GAD2: variants seen among roughly 807,000 people sequenced by gnomAD.
GAD2 encodes the protein 65 kDa glutamic acid decarboxylase.
Under a neutral mutation model 80.1 loss-of-function variants are expected in GAD2, and 22 were observed. That is an observed-to-expected ratio of 0.27 (90% CI 0.20 to 0.39). The LOEUF (loss-of-function observed/expected upper bound fraction) is 0.39. GAD2 is among the 10% of genes least tolerant of loss of function. The pLI is 1.00. For missense variants in GAD2, 624 were observed against 738.4 expected, an observed-to-expected ratio of 0.85 and a Z score of 1.80; for synonymous variants, 274 against 256.9, an observed-to-expected ratio of 1.07 and a Z score of -0.64.
At chr10:26,270,846 A>T (rs887362538) in intron 10 of GAD2, 90 bp downstream of exon 10, 1 of 889,330 alleles carries the variant, frequency 1.1e-6, no homozygotes, top group Non-Finnish European at 1.9e-6. Flanking sequence ...TCTTTTTTTA[A>T]CTTGGTCAGC....
At chr10:26,238,789 G>C (rs1844706342) in intron 7 of GAD2, among the ~76,000 whole-genome samples, 2 of 151,986 alleles carry the variant, frequency 1.3e-5, no homozygotes, top group Admixed American at 1.3e-4. Flanking sequence ...GCAAGAGAAT[G>C]TTCTTTCGGG....
At chr10:26,285,786 T>C (rs1027392183) in intron 12 of GAD2, among the ~76,000 whole-genome samples, 4 of 151,904 alleles carry the variant, frequency 2.6e-5, no homozygotes, top group Admixed American at 6.6e-5. Flanking sequence ...TTTTTTTAGA[T>C]TTTAGCATAT....
At chr10:26,284,218 G>C (rs771186813) in intron 12 of GAD2, among the ~76,000 whole-genome samples, 1 of 152,172 alleles carries the variant, frequency 6.6e-6, no homozygotes, top group South Asian at 2.1e-4. Context: ...TCCCCAATAA[G>C]AGAGTTCTCA....
intron 8 of GAD2, among the ~76,000 whole-genome samples, chr10:26,255,909 G>A (rs929256849): frequency 2.6e-5 from 4 of 151,790 alleles, no homozygotes; most frequent in Non-Finnish European, 5.9e-5. Flanking sequence ...GAGGACTGGG[G>A]AGGGATGGGG....
Position 26,229,699 on chromosome 10 carries a change from A to G in GAD2, c.762A>G (p.Ala254=). ...AISNMYAMMI[A]RFKMFPEVKE... The stretch of plus-strand genomic sequence containing the variant: ...CTAACATGTATGCCATGATGATCGC[A>G]CGCTTTAAGATGTTCCCAGAAGTCA... The change falls in exon 7 of 16, where the codon GCA becomes GCG. Residue 254 remains alanine (A), a synonymous_variant. Transcript: ENST00000376261. 2 of 1,614,184 alleles carry G rather than the reference A, an allele frequency of 1.2e-6. No homozygotes were observed. Among genetic ancestry groups the G allele is most frequent in the South Asian group, 2.2e-5 (2 of 91,070 alleles).
chr10:26,224,952 T>A (rs1469288949), intron 6 of GAD2, among the ~76,000 whole-genome samples: 1 of 152,182 alleles, frequency 6.6e-6, no homozygotes, highest in Non-Finnish European at 1.5e-5. Flanking sequence ...AACAAAGGAA[T>A]CAAGATTCCT....
chr10:26,288,881 T>C lies in GAD2; in HGVS notation c.1386+2387T>C, dbSNP rs145028672. ...GAGAAATAATATGGAGGGCATCAGG[T>C]GTGAATCGAACAGCAGGACCAGATG... On this transcript the variant is annotated intron_variant, in intron 13 of 15. Coordinates refer to ENST00000376261, the MANE Select transcript of GAD2 (RefSeq NM_001134366.2). 5.2e-4 allele frequency among the ~76,000 whole-genome samples: 79 copies of C among 152,192 alleles called. 2 individuals carry two copies. In the East Asian group the frequency reaches 0.014, roughly 27 times the overall value.
At chr10:26,287,342 G>A (rs950767919) in intron 13 of GAD2, among the ~76,000 whole-genome samples, 12 of 152,102 alleles carry the variant, frequency 7.9e-5, no homozygotes, top group African/African-American at 2.7e-4. Flanking sequence ...TGAGAAAGGG[G>A]GCGATTAAAG....
rs969945231 is a variant in GAD2, at chr10:26,247,634, G to A, written c.920+1634G>A. On this transcript the variant is annotated intron_variant, in intron 8 of 15. Transcript: ENST00000376261. ...AATCCGGCTGGGGGCAGTGGCTCAC[G>A]TCTGTAATCCCAGCATTTTGGGAGG... Among the ~76,000 whole-genome samples, 24 of 152,192 alleles carry A rather than the reference G, an allele frequency of 1.6e-4. 1 individual carries two copies. The highest frequency in any genetic ancestry group is 4.1e-4 in the South Asian group (2 of 4,820).
chr10:26,283,331 C>T (rs1403960068), intron 12 of GAD2, among the ~76,000 whole-genome samples: 4 of 152,196 alleles, frequency 2.6e-5, no homozygotes, highest in South Asian at 2.1e-4. Context: ...TTTTTACAGA[C>T]TGGAGCAGTA....
intron 7 of GAD2, among the ~76,000 whole-genome samples, chr10:26,232,172 G>A (rs1302314595): frequency 4.6e-5 from 7 of 152,082 alleles, no homozygotes; most frequent in Non-Finnish European, 8.8e-5. Flanking sequence ...TCCTGAAATG[G>A]GTTTGGACCC....
At chr10:26,293,476 C>G (rs1375622391) in intron 15 of GAD2, among the ~76,000 whole-genome samples, 1 of 152,108 alleles carries the variant, frequency 6.6e-6, no homozygotes, top group Non-Finnish European at 1.5e-5. Flanking sequence ...CTGTGCCCGG[C>G]CTATGCAGAC....
Position 26,217,803 on chromosome 10 carries a change from G to T in GAD2, c.137-39G>T, listed in dbSNP as rs755852165. The T allele has an allele frequency of 6.3e-7, 1 of 1,584,156 alleles. No individual in the cohort carries two copies. Among genetic ancestry groups the T allele is most frequent in the Non-Finnish European group, 8.6e-7 (1 of 1,164,534 alleles). ...CGGGAGCGAGGGAGCCGGGCCCGGC[G>T]GAGGATTGACGAGGCCCGCGTTCGG... On this transcript the variant is annotated intron_variant, in intron 2 of 15. Transcript: ENST00000376261. This position sits in a 1 kb window ranked among gnomAD's most constrained non-coding sequence, Gnocchi z 4.9.
At chr10:26,219,947 C>A (rs1483204471) in intron 4 of GAD2, among the ~76,000 whole-genome samples, 1 of 152,150 alleles carries the variant, frequency 6.6e-6, no homozygotes, top group African/African-American at 2.4e-5. Flanking sequence ...AGGGGCAAAT[C>A]AGATATCCTT....
At position 26,292,976 on chromosome 10, in the gene GAD2, G is replaced by A. The variant is rs760768178; in HGVS notation, c.1569G>A (p.Met523Ile). Residue 523 changes from methionine (M) to isoleucine (I), a missense_variant, in exon 15 of 16, where the codon ATG becomes ATA. Physicochemically the swap from Met to Ile is conservative, Grantham distance 10. Transcript: ENST00000376261. ...LRTLEDNEERMSRLSKVAPVI... is the reference protein window; with the variant it reads ...LRTLEDNEERISRLSKVAPVI... ...CTCTGGAAGACAATGAAGAGAGAAT[G>A]AGTCGCCTCTCGAAGGTCAGTGCTC... The A allele has an allele frequency of 1.9e-6, 3 of 1,613,354 alleles. No individual in the cohort carries two copies. The highest frequency in any genetic ancestry group is 1.7e-6 in the Non-Finnish European group (2 of 1,179,590).
rs562594839 is a variant in GAD2, at chr10:26,222,894, G to A, written c.521-993G>A. Among the ~76,000 whole-genome samples the A allele has an allele frequency of 1.2e-4, 18 of 152,360 alleles. No individual in the cohort carries two copies. The South Asian group carries it at 3.7e-3, about 32-fold the overall frequency. On this transcript the variant is annotated intron_variant, in intron 4 of 15. Coordinates refer to ENST00000376261, the MANE Select transcript of GAD2 (RefSeq NM_001134366.2). ...TCAGACAGATGTCCAGGATGTGGAAGATACCTTTTTATCAGATGCTATTTC... is the reference window on the plus strand; with the variant it reads ...TCAGACAGATGTCCAGGATGTGGAAAATACCTTTTTATCAGATGCTATTTC...
At chr10:26,218,546 C>CTT (rs1475880813) in intron 3 of GAD2, among the ~76,000 whole-genome samples, 5 of 106,746 alleles carry the variant, frequency 4.7e-5, no homozygotes, top group Non-Finnish European at 8.3e-5. Flanking sequence ...CTCTCTCTCT[C>CTT]TCTCTCACAC....
intron 7 of GAD2, among the ~76,000 whole-genome samples, chr10:26,235,628 G>A (rs1455603201): frequency 3.9e-5 from 6 of 152,192 alleles, no homozygotes; most frequent in Admixed American, 3.9e-4. Flanking sequence ...TCTCAGAATT[G>A]AAAGTGATCT....
At position 26,223,916 on chromosome 10, in the gene GAD2, A is replaced by G. The variant is rs1366113164; in HGVS notation, c.550A>G (p.Thr184Ala). 1 of 1,609,142 alleles carries G rather than the reference A, an allele frequency of 6.2e-7. No homozygotes were observed. The highest frequency in any genetic ancestry group is 8.5e-7 in the Non-Finnish European group (1 of 1,178,310). ...TCCTAGATACTTCAATCAACTTTCT[A>G]CTGGTTTGGATATGGTTGGATTAGC... Reference protein sequence around the residue: ...GHPRYFNQLSTGLDMVGLAAD... With the variant: ...GHPRYFNQLSAGLDMVGLAAD... Residue 184 changes from threonine (T) to alanine (A), a missense_variant, in exon 5 of 16, where the codon ACT becomes GCT. Thr to Ala is a moderately conservative substitution (Grantham distance 58). Transcript: ENST00000376261.
Sources: gnomAD v4.1 joint callset for allele counts (sites outside exome capture counted in the v4.1 genomes callset) on GRCh38, gnomAD v4.1.1 for gene constraint, Gnocchi (gnomAD v3.1) non-coding constraint, MANE v1.5 for transcripts, NCBI Gene and HGNC (gene_info 2026-07-23, HGNC 2026-07-21) for gene names.